Variants in SASH1 observed in about 807,000 individuals in gnomAD.
The protein encoded by SASH1 is SAM and SH3 domain-containing protein 1.
Under a neutral mutation model 125.2 loss-of-function variants are expected in SASH1, and 44 were observed. The ratio of observed to expected loss-of-function variants is 0.35; its 90% CI spans 0.28 to 0.45. SASH1 has a LOEUF of 0.45. Among genes scored for constraint, SASH1 ranks in the 20% least tolerant of loss-of-function variants. The pLI is 1.00. For synonymous variants in SASH1, 639 were observed against 649.1 expected, an observed-to-expected ratio of 0.98 and a Z score of 0.24; for missense variants, 1,426 against 1,614.5, an observed-to-expected ratio of 0.88 and a Z score of 2.00.
intron 9 of SASH1, among the ~76,000 whole-genome samples, chr6:148,518,935 G>T (rs1780631846): frequency 6.6e-6 from 1 of 152,194 alleles, no homozygotes; most frequent in South Asian, 2.1e-4. Context: ...GGAGTATCTG[G>T]CCGGGATCAC....
chr6:148,522,054 T>A (rs1053207864), intron 10 of SASH1, among the ~76,000 whole-genome samples: 2 of 152,226 alleles, frequency 1.3e-5, no homozygotes, highest in Non-Finnish European at 2.9e-5. Flanking sequence ...AATTCTTCAT[T>A]GACATTGAGT....
chr6:148,508,364 T>C, intron 8 of SASH1: 1 of 494,148 alleles, frequency 2.0e-6, no homozygotes, highest in Non-Finnish European at 2.6e-6. Context: ...TTAAGTTCAG[T>C]CACTTTTAAG....
intron 1 of SASH1, chr6:148,283,264 C>A (rs1252780406): frequency 6.6e-6 from 1 of 152,364 alleles, no homozygotes; most frequent in Non-Finnish European, 1.5e-5. Flanking sequence ...CTCTCCCCCA[C>A]CTCCCCCACA....
At chr6:148,377,394 T>C (rs1029269714) in intron 1 of SASH1, among the ~76,000 whole-genome samples, 4 of 152,148 alleles carry the variant, frequency 2.6e-5, no homozygotes, top group African/African-American at 9.7e-5. Flanking sequence ...GCTTTTTTTC[T>C]GTCAGGATAT....
At chr6:148,375,340 A>C (rs1357265994) in intron 1 of SASH1, among the ~76,000 whole-genome samples, 3 of 152,034 alleles carry the variant, frequency 2.0e-5, no homozygotes, top group Non-Finnish European at 1.5e-5. Context: ...ACATTTAGAC[A>C]GTCTAGTGAA....
the SASH1 span, among the ~76,000 whole-genome samples, chr6:148,252,057 G>A: frequency 1.1e-4 from 16 of 151,896 alleles, no homozygotes; most frequent in African/African-American, 2.9e-4. Context: ...CTTAAATCCC[G>A]GAAATGCATT....
the SASH1 span, among the ~76,000 whole-genome samples, chr6:148,238,180 T>A: frequency 1.3e-5 from 2 of 152,110 alleles, no homozygotes; most frequent in African/African-American, 4.8e-5. Context: ...AAGCCTCCTA[T>A]CCCCTTTTCC....
chr6:148,205,176 C>T, the SASH1 span, among the ~76,000 whole-genome samples: 7 of 152,150 alleles, frequency 4.6e-5, no homozygotes, highest in Admixed American at 2.6e-4. Context: ...CAATGTCATT[C>T]GCCTCGCTCG....
intron 1 of SASH1, among the ~76,000 whole-genome samples, chr6:148,377,102 G>A (rs557169054): frequency 6.9e-6 from 1 of 145,594 alleles, no homozygotes; most frequent in Non-Finnish European, 1.5e-5. Context: ...CCCGGGAGGC[G>A]GAGCTTGCAG....
chr6:148,337,390 A>AC (rs1554236926), intron 1 of SASH1, among the ~76,000 whole-genome samples: 3 of 151,696 alleles, frequency 2.0e-5, no homozygotes, highest in Non-Finnish European at 2.9e-5. Context: ...CGCCTGGCAA[A>AC]TTTTTTTGTA....
intron 2 of SASH1, among the ~76,000 whole-genome samples, chr6:148,408,492 T>C (rs570680727): frequency 8.5e-5 from 13 of 152,202 alleles, no homozygotes; most frequent in Non-Finnish European, 1.5e-4. Flanking sequence ...AGTTGGATTG[T>C]TTATTTCAAT....
At chr6:148,490,111 C>T (rs1009757134) in intron 8 of SASH1, among the ~76,000 whole-genome samples, 1 of 150,634 alleles carries the variant, frequency 6.6e-6, no homozygotes, top group African/African-American at 2.4e-5. Flanking sequence ...TTCCATCTTA[C>T]GTACCTTGTA....
intron 2 of SASH1, among the ~76,000 whole-genome samples, chr6:148,397,918 A>G (rs1225857704): frequency 6.6e-6 from 1 of 152,184 alleles, no homozygotes; most frequent in African/African-American, 2.4e-5. Context: ...GTGTGAGGCA[A>G]GTAACATACT....
chr6:148,242,204 TCATTTTC>T, the SASH1 span, among the ~76,000 whole-genome samples: 2 of 152,240 alleles, frequency 1.3e-5, no homozygotes, highest in African/African-American at 4.8e-5. Flanking sequence ...TGCTAAGGGA[TCATTTTC>T]CTTGTGTAAG....
intron 17 of SASH1, 92 bp downstream of exon 17, chr6:148,540,648 T>A: frequency 3.2e-6 from 3 of 924,014 alleles, no homozygotes; most frequent in Non-Finnish European, 5.2e-6. Context: ...ATTCCTGTCA[T>A]GAACTCAGCA....
At position 148,514,293 on chromosome 6, in the gene SASH1, T is replaced by G. The variant is rs202111293; in HGVS notation, c.730-31T>G. 6.1e-4 allele frequency: 966 copies of G among 1,580,992 alleles called. 1 individual carries two copies. The highest frequency in any genetic ancestry group is 7.9e-4 in the Non-Finnish European group (924 of 1,166,016). ...ACGGGCAAAGCTCGGAGCAATTACCTGATTAACTTTTTCCTTTGTTTCTTT... is the reference window on the plus strand; with the variant it reads ...ACGGGCAAAGCTCGGAGCAATTACCGGATTAACTTTTTCCTTTGTTTCTTT... On this transcript the variant is annotated intron_variant, in intron 8 of 19. Transcript: ENST00000367467.
chr6:148,201,901 G>A, the SASH1 span, among the ~76,000 whole-genome samples: 2 of 152,252 alleles, frequency 1.3e-5, no homozygotes, highest in African/African-American at 2.4e-5. Context: ...TGGCCCTGAG[G>A]CTGGACACAG....
At chr6:148,315,012 C>T (rs1017364014) in intron 1 of SASH1, among the ~76,000 whole-genome samples, 2 of 152,082 alleles carry the variant, frequency 1.3e-5, no homozygotes, top group African/African-American at 4.8e-5. Context: ...CCCAACTTGG[C>T]CTCCCAAAGT....
chr6:148,321,009 C>T (rs78622519), intron 1 of SASH1, among the ~76,000 whole-genome samples: 1 of 152,206 alleles, frequency 6.6e-6, no homozygotes, highest in African/African-American at 2.4e-5. Context: ...CGTCCAGTCT[C>T]TTTGTTCATA....
Sources: gnomAD v4.1 joint callset for allele counts (sites outside exome capture counted in the v4.1 genomes callset) on GRCh38, gnomAD v4.1.1 for gene constraint, MANE v1.5 for transcripts, NCBI Gene and HGNC (gene_info 2026-07-23, HGNC 2026-07-21) for gene names.